Variants in BCAS1 observed in about 807,000 individuals in gnomAD.
The protein encoded by BCAS1 is brain enriched myelin associated protein 1.
A neutral mutation model predicts 65.4 loss-of-function variants in BCAS1; 46 were observed. The observed-to-expected ratio is 0.70, with a 90% CI of 0.55 to 0.90. The LOEUF (loss-of-function observed/expected upper bound fraction) is 0.90. Among genes scored for constraint, BCAS1 ranks in the 40% least tolerant of loss-of-function variants. The pLI, the probability that BCAS1 is intolerant of heterozygous loss-of-function variation, is 0.00. For synonymous variants in BCAS1, 298 were observed against 293.5 expected (o/e 1.02, Z -0.16); for missense variants, 793 against 771.2 (o/e 1.03, Z -0.33).
At chr20:53,976,749 T>G (rs903540351) in intron 8 of BCAS1, among the ~76,000 whole-genome samples, 1 of 152,222 alleles carries the variant, frequency 6.6e-6, no homozygotes, top group Non-Finnish European at 1.5e-5. Context: ...TTTCTTCACA[T>G]ACAGAATTAT....
At chr20:53,956,970 C>G (rs1339681679) in intron 11 of BCAS1, among the ~76,000 whole-genome samples, 1 of 152,156 alleles carries the variant, frequency 6.6e-6, no homozygotes, top group African/African-American at 2.4e-5. Context: ...TAGTACTTGC[C>G]AAACACCATG....
In BCAS1 at chr20:53,953,670, A is replaced by G. The variant is rs1161618884; in HGVS notation, c.1577T>C (p.Ile526Thr). 3.7e-6 allele frequency: 6 copies of G among 1,613,640 alleles called. No individual in the cohort carries two copies. The East Asian group carries it at 1.3e-4, about 36-fold the overall frequency. ...TGTTGGTTCAGGCTCTGGCGGTGTG[A>G]TAGTCTTTTCTGTGGAGTCTGATGT... ...CQTSDSTEKT[I>T]TPPEPEPTGA... The change falls in exon 12 of 13, where the codon ATC becomes ACC. Residue 526 changes from isoleucine to threonine, a missense_variant. By Grantham distance (89) the Ile-to-Thr change is moderately conservative. Transcript: ENST00000688948.
chr20:54,051,716 T>G (rs1400339146), intron 3 of BCAS1, among the ~76,000 whole-genome samples: 2 of 124,004 alleles, frequency 1.6e-5, no homozygotes, highest in Non-Finnish European at 3.3e-5. Flanking sequence ...CTATGCTGGT[T>G]TTTTTTTTGT....
intron 3 of BCAS1, among the ~76,000 whole-genome samples, chr20:54,032,177 C>T (rs2091815200): frequency 6.6e-6 from 1 of 151,350 alleles, no homozygotes; most frequent in Non-Finnish European, 1.5e-5. Context: ...GACCAATATT[C>T]AACATTCTTA....
chr20:53,990,743 A>C (rs1384885113), intron 7 of BCAS1, among the ~76,000 whole-genome samples: 1 of 152,244 alleles, frequency 6.6e-6, no homozygotes. Flanking sequence ...CAGAGGTAAA[A>C]GCCAATGAGC....
intron 3 of BCAS1, among the ~76,000 whole-genome samples, chr20:54,057,284 G>A (rs561253747): frequency 3.3e-5 from 5 of 152,332 alleles, no homozygotes; most frequent in African/African-American, 1.2e-4. Flanking sequence ...CACATTTGGG[G>A]AAAAGGAATA....
At chr20:53,959,005 A>G (rs1380051273) in intron 10 of BCAS1, among the ~76,000 whole-genome samples, 1 of 152,252 alleles carries the variant, frequency 6.6e-6, no homozygotes, top group Non-Finnish European at 1.5e-5. Context: ...AAAAGCTTGG[A>G]TAAGATGGAG....
chr20:53,960,713 C>T (rs1022295578), intron 10 of BCAS1, among the ~76,000 whole-genome samples: 2 of 151,772 alleles, frequency 1.3e-5, no homozygotes, highest in Admixed American at 6.6e-5. Context: ...TCCTCTCGTC[C>T]TCTCTCTCTC....
intron 10 of BCAS1, among the ~76,000 whole-genome samples, chr20:53,964,028 C>T (rs6097696): frequency 0.063 from 9,574 of 152,328 alleles, 361 homozygotes; most frequent in Middle Eastern, 0.14. Context: ...CACCTGTTTA[C>T]GCTCACTGTT....
In BCAS1 at chr20:53,999,286, C is replaced by T. The variant is rs552426496; in HGVS notation, c.724-3236G>A. On this transcript the variant is annotated intron_variant, in intron 4 of 12. Coordinates refer to ENST00000688948, the MANE Select transcript of BCAS1 (RefSeq NM_001366298.2). ...TGTCATCCTTACGTCTTAAACAATG[C>T]TTGTTTATGCTTGTATAGCTTTACA... Among the ~76,000 whole-genome samples, 3 of 152,268 alleles carry T rather than the reference C, an allele frequency of 2.0e-5. No homozygotes were observed. In the East Asian group the frequency reaches 5.8e-4, roughly 29 times the overall value.
chr20:54,048,122 G>A (rs2092144682), intron 3 of BCAS1, among the ~76,000 whole-genome samples: 1 of 152,116 alleles, frequency 6.6e-6, no homozygotes. Flanking sequence ...TTTCAAGGTG[G>A]AGAGTTGAGG....
chr20:53,949,657 T>C (rs1160121979), intron 12 of BCAS1, among the ~76,000 whole-genome samples: 1 of 152,202 alleles, frequency 6.6e-6, no homozygotes, highest in Non-Finnish European at 1.5e-5. Flanking sequence ...CCATCATTGC[T>C]GGAGGCCTTG....
intron 7 of BCAS1, among the ~76,000 whole-genome samples, chr20:53,989,468 A>G (rs965351490): frequency 1.3e-5 from 2 of 152,194 alleles, no homozygotes; most frequent in African/African-American, 4.8e-5. Context: ...AATTCCCATC[A>G]GGCCTAGCTT....
intron 4 of BCAS1, among the ~76,000 whole-genome samples, chr20:54,014,800 TTTGCTG>T (rs1230137185): frequency 6.6e-6 from 1 of 152,176 alleles, no homozygotes. Context: ...GAGGGTTCGA[TTTGCTG>T]GACAACAATA....
intron 1 of BCAS1, among the ~76,000 whole-genome samples, chr20:54,061,816 C>T (rs538976856): frequency 1.1e-3 from 163 of 152,308 alleles, no homozygotes; most frequent in African/African-American, 3.7e-3. Flanking sequence ...ATCAGATCAT[C>T]GCTTCTGTCT....
intron 3 of BCAS1, among the ~76,000 whole-genome samples, chr20:54,057,818 T>G (rs1442077804): frequency 6.6e-6 from 1 of 152,136 alleles, no homozygotes; most frequent in African/African-American, 2.4e-5. Context: ...GAGAGGGGCG[T>G]GGAACACGTT....
At chr20:54,065,530 C>A (rs886939090) in intron 1 of BCAS1, among the ~76,000 whole-genome samples, 10 of 152,146 alleles carry the variant, frequency 6.6e-5, no homozygotes, top group Non-Finnish European at 1.3e-4. Flanking sequence ...CCCTGCAATG[C>A]CAAGGACCGC....
rs746327327 is a variant in BCAS1, at chr20:53,985,442, T to C, written c.1120A>G (p.Thr374Ala). 1.2e-6 allele frequency: 2 copies of C among 1,614,054 alleles called. No homozygotes were observed. Among genetic ancestry groups the C allele is most frequent in the Non-Finnish European group, 8.5e-7 (1 of 1,179,964 alleles). The change falls in exon 8 of 13, where the codon ACA (threonine) becomes GCA (alanine). Residue 374 changes from threonine to alanine, a missense_variant. Transcript: ENST00000688948. ...CCAGCCCCTTGGGTCTCCTGGGATGTAAAGTTGGCTTTGTCTGACTTAAGG... is the reference window on the plus strand; with the variant it reads ...CCAGCCCCTTGGGTCTCCTGGGATGCAAAGTTGGCTTTGTCTGACTTAAGG... ...ADLKSDKANF[T>A]SQETQGAGKN...
Position 53,981,821 on chromosome 20 carries a change from C to CGTGTGT in BCAS1, c.1275+3460_1275+3465dup, listed in dbSNP as rs3831644. Reference sequence around the variant, plus strand: ...TATTAATTACAAATACATGTGCGTGCGTGTGTGTGTGTGTGTGTGTGTATC... The same window carrying CGTGTGT: ...TATTAATTACAAATACATGTGCGTGCGTGTGTGTGTGTGTGTGTGTGTGTGTGTATC... On this transcript the variant is annotated intron_variant, in intron 8 of 12. Coordinates refer to ENST00000688948, the MANE Select transcript of BCAS1 (RefSeq NM_001366298.2). Among the ~76,000 whole-genome samples, 1,179 of 150,256 alleles carry CGTGTGT rather than the reference C, an allele frequency of 7.8e-3. 10 individuals are homozygous for CGTGTGT. The highest frequency in any genetic ancestry group is 0.017 in the Middle Eastern group (5 of 290).
Sources: allele counts gnomAD v4.1 joint callset (sites outside exome capture counted in the v4.1 genomes callset), GRCh38; gene constraint gnomAD v4.1.1; transcripts MANE v1.5; gene names NCBI Gene and HGNC (gene_info 2026-07-23, HGNC 2026-07-21).